Variants in LRP1B observed in about 807,000 individuals in gnomAD.
LRP1B encodes LDL receptor related protein 1B, also known as low-density lipoprotein receptor-related protein 1B.
Under a neutral mutation model 556.6 loss-of-function variants are expected in LRP1B, and 217 were observed. The observed-to-expected ratio is 0.39, with a 90% CI of 0.35 to 0.44. The LOEUF is 0.44. LRP1B is among the 20% of genes least tolerant of loss of function. The pLI is 1.00. For synonymous variants in LRP1B, 2,047 were observed against 1,865.8 expected (o/e 1.10, Z -2.50); for missense variants, 5,053 against 5,620.8 (o/e 0.90, Z 3.23).
intron 3 of LRP1B, among the ~76,000 whole-genome samples, chr2:141,444,414 C>G (rs12470479): frequency 6.6e-6 from 1 of 151,690 alleles, no homozygotes; most frequent in African/African-American, 2.4e-5. Context: ...TATTTGAATA[C>G]GCTTTCTTTC....
At chr2:140,739,382 G>T (rs965850550) in intron 35 of LRP1B, among the ~76,000 whole-genome samples, 1 of 150,924 alleles carries the variant, frequency 6.6e-6, no homozygotes, top group Non-Finnish European at 1.5e-5. Flanking sequence ...AAAAATGACA[G>T]AATAGGTACA....
At chr2:140,670,175 T>G (rs1685428614) in intron 41 of LRP1B, among the ~76,000 whole-genome samples, 1 of 152,160 alleles carries the variant, frequency 6.6e-6, no homozygotes, top group Admixed American at 6.5e-5. Context: ...ACGCATCCAA[T>G]TTATGTTAAT....
At chr2:141,016,995 A>G (rs532220443) in intron 12 of LRP1B, among the ~76,000 whole-genome samples, 1 of 152,206 alleles carries the variant, frequency 6.6e-6, no homozygotes, top group South Asian at 2.1e-4. Context: ...CCATTATTTC[A>G]TACCAATTAA....
At chr2:141,255,972 A>C (rs1209457258) in intron 3 of LRP1B, among the ~76,000 whole-genome samples, 2 of 151,996 alleles carry the variant, frequency 1.3e-5, no homozygotes, top group Non-Finnish European at 2.9e-5. Context: ...GTCAATGCTA[A>C]TCACGCTGCT....
At chr2:141,840,617 G>A (rs571851986) in intron 1 of LRP1B, among the ~76,000 whole-genome samples, 2 of 152,170 alleles carry the variant, frequency 1.3e-5, no homozygotes, top group African/African-American at 4.8e-5. Context: ...GCCCAGTACT[G>A]TTTTAGACAC....
chr2:141,200,647 G>A (rs146491022), intron 6 of LRP1B, among the ~76,000 whole-genome samples: 264 of 151,932 alleles, frequency 1.7e-3, no homozygotes, highest in African/African-American at 6.1e-3. Context: ...ATACACACGC[G>A]GTGACTCATC....
chr2:140,487,526 G>A (rs1688518692), intron 58 of LRP1B, 91 bp downstream of exon 58: 2 of 1,235,312 alleles, frequency 1.6e-6, no homozygotes, highest in South Asian at 2.6e-5. Context: ...CATTTTATGA[G>A]TAATATCATG....
chr2:141,800,959 A>G (rs1225697145), intron 2 of LRP1B, among the ~76,000 whole-genome samples: 1 of 152,228 alleles, frequency 6.6e-6, no homozygotes, highest in Non-Finnish European at 1.5e-5. Flanking sequence ...TCACCATTTA[A>G]GTGAAAATGA....
intron 1 of LRP1B, among the ~76,000 whole-genome samples, chr2:141,930,023 T>C (rs775866715): frequency 2.2e-4 from 33 of 150,460 alleles, no homozygotes; most frequent in Admixed American, 3.3e-4. Context: ...TATTAATAAA[T>C]GACCCTGGCA....
At chr2:140,858,738 C>A (rs910816604) in intron 27 of LRP1B, among the ~76,000 whole-genome samples, 2 of 152,014 alleles carry the variant, frequency 1.3e-5, no homozygotes, top group Non-Finnish European at 2.9e-5. Context: ...TCTCCCCTAT[C>A]CCCACCCCTC....
At chr2:141,271,933 A>C (rs1016455211) in intron 3 of LRP1B, among the ~76,000 whole-genome samples, 1 of 152,022 alleles carries the variant, frequency 6.6e-6, no homozygotes, top group African/African-American at 2.4e-5. Flanking sequence ...TAGATTTGCC[A>C]ATAATAGCAC....
intron 41 of LRP1B, among the ~76,000 whole-genome samples, chr2:140,635,036 G>A (rs963556789): frequency 5.3e-5 from 8 of 152,032 alleles, no homozygotes; most frequent in Non-Finnish European, 8.8e-5. Flanking sequence ...GGGAAACTGA[G>A]TATGAGATAT....
At chr2:142,122,204 A>G (rs1707482024) in intron 1 of LRP1B, among the ~76,000 whole-genome samples, 1 of 152,058 alleles carries the variant, frequency 6.6e-6, no homozygotes, top group Non-Finnish European at 1.5e-5. Context: ...TCATTACTTT[A>G]TGTTCTCCTA....
intron 3 of LRP1B, among the ~76,000 whole-genome samples, chr2:141,303,066 CAATTT>C (rs1248846518): frequency 1.3e-5 from 2 of 152,024 alleles, no homozygotes; most frequent in African/African-American, 4.8e-5. Flanking sequence ...GTTCCATATT[CAATTT>C]AATACCCATA....
At chr2:141,687,731 A>C (rs1691364651) in intron 2 of LRP1B, among the ~76,000 whole-genome samples, 1 of 151,910 alleles carries the variant, frequency 6.6e-6, no homozygotes, top group Non-Finnish European at 1.5e-5. Flanking sequence ...TTTCCACGTG[A>C]AGGCTTTTTA....
chr2:141,381,583 A>G (rs1689644120), intron 3 of LRP1B, among the ~76,000 whole-genome samples: 1 of 152,052 alleles, frequency 6.6e-6, no homozygotes, highest in Admixed American at 6.5e-5. Flanking sequence ...AAAAGAACCC[A>G]TACTGAGACA....
intron 2 of LRP1B, among the ~76,000 whole-genome samples, chr2:141,788,357 T>C (rs923624940): frequency 2.0e-5 from 3 of 151,972 alleles, no homozygotes; most frequent in Non-Finnish European, 4.4e-5. Context: ...ATAAACTGGA[T>C]TGTTTGAAAG....
chr2:140,603,425 G>T (rs1682747946), intron 41 of LRP1B, among the ~76,000 whole-genome samples: 1 of 152,058 alleles, frequency 6.6e-6, no homozygotes, highest in Admixed American at 6.6e-5. Context: ...GAAATGCAAT[G>T]AACTCTAGTA....
At chr2:140,495,021 T>G (rs1688856444) in intron 56 of LRP1B, among the ~76,000 whole-genome samples, 1 of 152,148 alleles carries the variant, frequency 6.6e-6, no homozygotes, top group Non-Finnish European at 1.5e-5. Flanking sequence ...GGGCCATGCT[T>G]TATTAAATGT....
Sources: gnomAD v4.1 joint callset for allele counts (sites outside exome capture counted in the v4.1 genomes callset) on GRCh38, gnomAD v4.1.1 for gene constraint, MANE v1.5 for transcripts, NCBI Gene and HGNC (gene_info 2026-07-23, HGNC 2026-07-21) for gene names.